NAALADL2: variants seen among roughly 807,000 people sequenced by gnomAD.
NAALADL2 encodes inactive N-acetylated-alpha-linked acidic dipeptidase-like protein 2.
Under a neutral mutation model 87.2 loss-of-function variants are expected in NAALADL2, and 76 were observed. The observed-to-expected ratio is 0.87, with a 90% CI of 0.72 to 1.05. The LOEUF is 1.05. NAALADL2 is among the 50% of genes least tolerant of loss of function. The pLI is 0.00. For synonymous variants in NAALADL2, 354 were observed against 331.0 expected (o/e 1.07, Z -0.75); for missense variants, 1,089 against 945.8 (o/e 1.15, Z -1.99).
chr3:175,220,623 G>A (rs887086024), intron 2 of NAALADL2, among the ~76,000 whole-genome samples: 1 of 151,756 alleles, frequency 6.6e-6, no homozygotes, highest in Non-Finnish European at 1.5e-5. Context: ...TATTATCAGA[G>A]CTGATCAAAT....
At chr3:175,118,084 G>A (rs1412598000) in intron 2 of NAALADL2, among the ~76,000 whole-genome samples, 1 of 150,072 alleles carries the variant, frequency 6.7e-6, no homozygotes, top group African/African-American at 2.5e-5. Context: ...TTGGAAACAG[G>A]ATGGGGAACA....
chr3:174,996,472 G>A (rs936312633), intron 1 of NAALADL2, among the ~76,000 whole-genome samples: 2 of 151,246 alleles, frequency 1.3e-5, no homozygotes, highest in African/African-American at 2.4e-5. Context: ...ACTCCAGCCT[G>A]GGCAACAGAG....
chr3:175,639,293 G>A (rs914096673), intron 11 of NAALADL2, among the ~76,000 whole-genome samples: 2 of 141,400 alleles, frequency 1.4e-5, no homozygotes, highest in African/African-American at 5.5e-5. Context: ...TCTGCCCACA[G>A]CAGTTTTTTT....
chr3:175,412,809 A>T (rs1229865907), intron 5 of NAALADL2, among the ~76,000 whole-genome samples: 4 of 150,998 alleles, frequency 2.6e-5, no homozygotes. Flanking sequence ...GAAATTATCC[A>T]TCTGATTATT....
intron 2 of NAALADL2, among the ~76,000 whole-genome samples, chr3:174,579,815 C>G (rs1339977486): frequency 6.6e-6 from 1 of 151,916 alleles, no homozygotes; most frequent in Non-Finnish European, 1.5e-5. Flanking sequence ...ACATGTATGA[C>G]TATTTTAAAC....
intron 5 of NAALADL2, among the ~76,000 whole-genome samples, chr3:175,406,118 A>G (rs1237744478): frequency 1.3e-5 from 2 of 152,202 alleles, no homozygotes; most frequent in African/African-American, 4.8e-5. Flanking sequence ...TCCGGTCATG[A>G]TTACTACTAG....
At chr3:175,778,333 C>T (rs867379878) in intron 13 of NAALADL2, among the ~76,000 whole-genome samples, 3 of 152,234 alleles carry the variant, frequency 2.0e-5, no homozygotes, top group South Asian at 2.1e-4. Flanking sequence ...TAGTTAATGG[C>T]GTGGTCAAAT....
At chr3:175,047,619 CA>C (rs1252256931) in intron 1 of NAALADL2, among the ~76,000 whole-genome samples, 5 of 152,070 alleles carry the variant, frequency 3.3e-5, no homozygotes, top group African/African-American at 1.2e-4. Context: ...TAAATGTACC[CA>C]AACTCACTCT....
Position 174,970,149 on chromosome 3 carries a change from A to G in NAALADL2, c.43+110699A>G, listed in dbSNP as rs74851461. ...TGGAGGAGATAACCCTTAAAGGATGACTTAGAACCAGGTAGATAAAAAATG... is the reference window on the plus strand; with the variant it reads ...TGGAGGAGATAACCCTTAAAGGATGGCTTAGAACCAGGTAGATAAAAAATG... On this transcript the variant is annotated intron_variant, in intron 1 of 13. Coordinates refer to ENST00000454872, the MANE Select transcript of NAALADL2 (RefSeq NM_207015.3). Among the ~76,000 whole-genome samples, 250 of 152,338 alleles carry G rather than the reference A, an allele frequency of 1.6e-3. 2 individuals are homozygous for G. The highest frequency in any genetic ancestry group is 5.8e-3 in the African/African-American group (240 of 41,592).
At chr3:175,089,253 A>G (rs1282606586) in intron 1 of NAALADL2, among the ~76,000 whole-genome samples, 1 of 152,182 alleles carries the variant, frequency 6.6e-6, no homozygotes, top group Non-Finnish European at 1.5e-5. Flanking sequence ...TTAAGATTGA[A>G]GGACCCTGGA....
chr3:175,268,330 T>C (rs761866987), intron 4 of NAALADL2, among the ~76,000 whole-genome samples: 1 of 152,124 alleles, frequency 6.6e-6, no homozygotes, highest in Non-Finnish European at 1.5e-5. Flanking sequence ...AAAAATATGA[T>C]ATAAGAGACA....
intron 1 of NAALADL2, among the ~76,000 whole-genome samples, chr3:174,983,629 A>T (rs920431792): frequency 6.6e-6 from 1 of 152,168 alleles, no homozygotes; most frequent in Admixed American, 6.5e-5. Context: ...GGGGCAGGCC[A>T]GCTCTCTGAG....
At chr3:174,803,882 A>G (rs571640922) in intron 3 of NAALADL2, among the ~76,000 whole-genome samples, 1 of 152,188 alleles carries the variant, frequency 6.6e-6, no homozygotes, top group South Asian at 2.1e-4. Flanking sequence ...GCCTTGTAGT[A>G]TATTTTGAAG....
chr3:175,124,536 A>C (rs1397419570), intron 2 of NAALADL2: 1 of 152,040 alleles, frequency 6.6e-6, no homozygotes, highest in Non-Finnish European at 1.5e-5. Context: ...CGAATCTTTC[A>C]ACAGGCTTTC....
At chr3:174,789,388 A>G (rs1295922152) in intron 3 of NAALADL2, among the ~76,000 whole-genome samples, 1 of 152,178 alleles carries the variant, frequency 6.6e-6, no homozygotes, top group Non-Finnish European at 1.5e-5. Flanking sequence ...CAAAATATTA[A>G]TGAGTCTTGC....
rs773971489 is a variant in NAALADL2 at position 175,234,059 on chromosome 3, G to C, written c.674G>C (p.Gly225Ala). 5 of 1,613,734 alleles carry C rather than the reference G, an allele frequency of 3.1e-6. No homozygotes were observed. In the South Asian group the frequency reaches 5.5e-5, roughly 18 times the overall value. ...TACTCTGTGCTGCTTGATCTGCCAG[G>C]CCCTTCTCCCAGCACTGTGACTCTG... ...VNYSVLLDLP[G>A]PSPSTVTLSS... Residue 225 changes from glycine to alanine, a missense_variant, in exon 3 of 14, where the codon GGC (glycine) becomes GCC (alanine). By Grantham distance (60) the Gly-to-Ala change is moderately conservative. Transcript: ENST00000454872.
At chr3:174,778,281 AAT>A (rs1560216988) in intron 3 of NAALADL2, among the ~76,000 whole-genome samples, 1 of 152,080 alleles carries the variant, frequency 6.6e-6, no homozygotes, top group African/African-American at 2.4e-5. Flanking sequence ...CTCATCATAT[AAT>A]ATGTCATAAG....
chr3:175,025,812 A>ATTTG (rs1035896631), intron 1 of NAALADL2, among the ~76,000 whole-genome samples: 3 of 151,792 alleles, frequency 2.0e-5, no homozygotes, highest in Non-Finnish European at 4.4e-5. Context: ...AGTTTTGTTT[A>ATTTG]TTTGTTTGTT....
chr3:175,055,260 C>G (rs969190795), intron 1 of NAALADL2, among the ~76,000 whole-genome samples: 1 of 152,198 alleles, frequency 6.6e-6, no homozygotes, highest in South Asian at 2.1e-4. Context: ...GTGCTATACG[C>G]TCTCCTGGCC....
Sources: gnomAD v4.1 joint callset for allele counts (sites outside exome capture counted in the v4.1 genomes callset) on GRCh38, gnomAD v4.1.1 for gene constraint, MANE v1.5 for transcripts, NCBI Gene and HGNC (gene_info 2026-07-23, HGNC 2026-07-21) for gene names.